The following SUGCT variants were observed in gnomAD, a reference collection of about 807,000 sequenced individuals.
SUGCT encodes the protein succinyl-CoA:glutarate CoA-transferase.
A neutral mutation model predicts 55.0 loss-of-function variants in SUGCT; 41 were observed. That is an observed-to-expected ratio of 0.74 (90% CI 0.58 to 0.97). The LOEUF (loss-of-function observed/expected upper bound fraction) is 0.97. Among genes scored for constraint, SUGCT ranks in the 50% least tolerant of loss-of-function variants. The pLI is 0.00. For synonymous variants in SUGCT, 187 were observed against 200.4 expected (o/e 0.93, Z 0.56); for missense variants, 568 against 547.8 (o/e 1.04, Z -0.37).
chr7:40,493,184 A>G (rs1478071003), intron 11 of SUGCT, among the ~76,000 whole-genome samples: 1 of 152,216 alleles, frequency 6.6e-6, no homozygotes, highest in Non-Finnish European at 1.5e-5. Flanking sequence ...AGCTTTAAAC[A>G]TGACATCTGA....
chr7:40,673,658 A>T (rs1417353801), intron 12 of SUGCT, among the ~76,000 whole-genome samples: 5 of 152,240 alleles, frequency 3.3e-5, no homozygotes, highest in African/African-American at 4.8e-5. Context: ...CTGAAGTACA[A>T]CATACAAATG....
chr7:40,643,749 G>A (rs1347639962), intron 12 of SUGCT, among the ~76,000 whole-genome samples: 2 of 152,116 alleles, frequency 1.3e-5, no homozygotes, highest in Admixed American at 1.3e-4. Context: ...ACTGAGGCCC[G>A]TAAAATGGAA....
chr7:40,402,997 C>T (rs985053102), intron 9 of SUGCT, among the ~76,000 whole-genome samples: 1 of 152,188 alleles, frequency 6.6e-6, no homozygotes, highest in African/African-American at 2.4e-5. Context: ...AGGCAGCCCA[C>T]GGCATGATTA....
At chr7:40,361,991 G>A (rs904916247) in intron 9 of SUGCT, among the ~76,000 whole-genome samples, 2 of 151,994 alleles carry the variant, frequency 1.3e-5, no homozygotes, top group African/African-American at 2.4e-5. Flanking sequence ...AGGAAAGAAT[G>A]TGAGGGGATC....
chr7:40,350,109 TATA>T, intron 9 of SUGCT, among the ~76,000 whole-genome samples: 1 of 152,214 alleles, frequency 6.6e-6, no homozygotes, highest in East Asian at 1.9e-4. Flanking sequence ...GCATTTCTGC[TATA>T]ATATCCTTTA....
intron 13 of SUGCT, among the ~76,000 whole-genome samples, chr7:40,752,122 G>A (rs1050253246): frequency 7.9e-5 from 12 of 152,156 alleles, no homozygotes; most frequent in Non-Finnish European, 2.9e-5. Context: ...TAGCTGGGAT[G>A]TTTCATATAG....
chr7:40,796,975 G>C (rs954754672), intron 13 of SUGCT, among the ~76,000 whole-genome samples: 2 of 152,168 alleles, frequency 1.3e-5, no homozygotes, highest in Non-Finnish European at 2.9e-5. Context: ...CAAAGAGCAA[G>C]GCAGGGTAAG....
At chr7:40,540,472 G>A (rs1243711585) in intron 12 of SUGCT, among the ~76,000 whole-genome samples, 1 of 152,222 alleles carries the variant, frequency 6.6e-6, no homozygotes, top group Non-Finnish European at 1.5e-5. Flanking sequence ...TACACATCAA[G>A]GAAGTTGCCA....
At chr7:40,174,551 T>TTGC (rs1396462808) in intron 1 of SUGCT, among the ~76,000 whole-genome samples, 4 of 152,200 alleles carry the variant, frequency 2.6e-5, no homozygotes, top group Admixed American at 1.3e-4. Flanking sequence ...GGTGAGAGGA[T>TTGC]TGCTTGAGCC....
chr7:40,737,225 AAACACATT>A (rs1787209992), intron 12 of SUGCT, among the ~76,000 whole-genome samples: 1 of 152,184 alleles, frequency 6.6e-6, no homozygotes, highest in Admixed American at 6.5e-5. Flanking sequence ...TTCCTTTGAT[AAACACATT>A]TGATCAAACT....
chr7:40,933,782 A>G, the SUGCT span, among the ~76,000 whole-genome samples: 4 of 152,194 alleles, frequency 2.6e-5, no homozygotes, highest in Non-Finnish European at 5.9e-5. Flanking sequence ...TTTCAGCTCC[A>G]TCAGGTCATT....
At chr7:40,315,342 A>T (rs1795368215) in intron 8 of SUGCT, among the ~76,000 whole-genome samples, 1 of 152,230 alleles carries the variant, frequency 6.6e-6, no homozygotes, top group Non-Finnish European at 1.5e-5. Flanking sequence ...CACAGAAGTG[A>T]TCTGTGAAAT....
chr7:40,746,798 GTTAA>G (rs1232691299), intron 12 of SUGCT, among the ~76,000 whole-genome samples: 1 of 152,114 alleles, frequency 6.6e-6, no homozygotes, highest in Non-Finnish European at 1.5e-5. Context: ...AAAATTCAGC[GTTAA>G]TTAATTTCAA....
intron 1 of SUGCT, among the ~76,000 whole-genome samples, chr7:40,152,222 A>C (rs1378923600): frequency 6.6e-6 from 1 of 152,222 alleles, no homozygotes; most frequent in African/African-American, 2.4e-5. Context: ...GTCCCCAGGC[A>C]AGTAAGAGAT....
the SUGCT span, among the ~76,000 whole-genome samples, chr7:40,899,368 CCT>C: frequency 2.6e-5 from 4 of 152,170 alleles, no homozygotes; most frequent in Non-Finnish European, 5.9e-5. Flanking sequence ...ATAAATACGC[CCT>C]GTGAATGCAA....
At chr7:40,682,248 C>T (rs779163605) in intron 12 of SUGCT, among the ~76,000 whole-genome samples, 1 of 152,184 alleles carries the variant, frequency 6.6e-6, no homozygotes. Flanking sequence ...TCTCCCATTC[C>T]CCACCCTATA....
At chr7:40,401,300 G>T (rs919121183) in intron 9 of SUGCT, among the ~76,000 whole-genome samples, 4 of 152,126 alleles carry the variant, frequency 2.6e-5, no homozygotes, top group African/African-American at 9.7e-5. Flanking sequence ...GTAGTACCTT[G>T]TGCAATTACC....
At chr7:40,898,914 G>C in the SUGCT span, among the ~76,000 whole-genome samples, 6 of 152,110 alleles carry the variant, frequency 3.9e-5, no homozygotes, top group Non-Finnish European at 5.9e-5. Context: ...TGAAGAAGCT[G>C]TTCCTCAAAC....
chr7:40,344,996 A>T (rs1425339109), intron 9 of SUGCT, among the ~76,000 whole-genome samples: 3 of 152,222 alleles, frequency 2.0e-5, no homozygotes, highest in Non-Finnish European at 4.4e-5. Context: ...GCTAAATTTA[A>T]TGGAATTCCT....
Sources: gnomAD v4.1 joint callset for allele counts (sites outside exome capture counted in the v4.1 genomes callset) on GRCh38, gnomAD v4.1.1 for gene constraint, MANE v1.5 for transcripts, NCBI Gene and HGNC (gene_info 2026-07-23, HGNC 2026-07-21) for gene names.